HCN1: variants seen among roughly 807,000 people sequenced by gnomAD.
HCN1 encodes the protein hyperpolarization activated cyclic nucleotide gated potassium channel 1.
Under a neutral mutation model 78.9 loss-of-function variants are expected in HCN1, and 13 were observed. That is an observed-to-expected ratio of 0.16 (90% CI 0.11 to 0.26). HCN1 has a LOEUF of 0.26. HCN1 is among the 10% of genes least tolerant of loss of function. The probability of loss-of-function intolerance (pLI) is 1.00; values close to 1 mark genes in which losing one functional copy is unlikely to be tolerated. For missense variants in HCN1, 810 were observed against 1,154.3 expected (o/e 0.70, Z 4.32); for synonymous variants, 552 against 455.5 (o/e 1.21, Z -2.70).
Position 45,256,032 on chromosome 5 carries a change from A to T in HCN1, c.*5889T>A, listed in dbSNP as rs1012638947. On this transcript the variant is annotated 3_prime_UTR_variant, in exon 8 of 8. Transcript: ENST00000303230. ...CAGATTTCTTCAATTGAATGAATCA[A>T]TAGTATTCTCTGCTCATATGGTATT... The T allele has an allele frequency of 6.6e-6, 1 of 152,174 alleles. No homozygotes were observed. Among genetic ancestry groups the T allele is most frequent in the Admixed American group, 6.5e-5 (1 of 15,268 alleles). 9.4% of individuals were successfully genotyped at this position (152,174 alleles called of 1,614,324 possible).
chr5:45,503,224 A>C (rs562687530), intron 2 of HCN1, among the ~76,000 whole-genome samples: 69 of 152,284 alleles, frequency 4.5e-4, no homozygotes, highest in African/African-American at 1.6e-3. Context: ...TAAGTACACA[A>C]CACCACCTAT....
intron 2 of HCN1, among the ~76,000 whole-genome samples, chr5:45,491,089 C>T (rs1281030342): frequency 3.9e-5 from 6 of 152,108 alleles, no homozygotes; most frequent in Admixed American, 6.6e-5. Flanking sequence ...GCTTCTGCCT[C>T]CTCCATTTAT....
chr5:45,301,787 C>T (rs1745627332), intron 6 of HCN1, among the ~76,000 whole-genome samples: 1 of 147,482 alleles, frequency 6.8e-6, no homozygotes. Flanking sequence ...AACCCGCTTA[C>T]AGAACATAAA....
intron 4 of HCN1, among the ~76,000 whole-genome samples, chr5:45,378,768 C>A (rs571366279): frequency 6.6e-6 from 1 of 152,206 alleles, no homozygotes; most frequent in South Asian, 2.1e-4. Flanking sequence ...GCTATCCCTC[C>A]CCCAGCCCCT....
intron 1 of HCN1, among the ~76,000 whole-genome samples, chr5:45,661,162 G>A (rs959202900): frequency 6.9e-5 from 10 of 145,182 alleles, no homozygotes; most frequent in East Asian, 2.0e-4. Flanking sequence ...ACTCAAAGCC[G>A]CTCAACTACA....
chr5:45,381,501 T>C lies in HCN1; in HGVS notation c.1230+14991A>G, dbSNP rs111646968. Reference sequence around the variant, plus strand: ...TCTCATTCATGTAAAGTTAGTATTTTTGTCATAATGATTCTTTCCCATATG... The same window carrying C: ...TCTCATTCATGTAAAGTTAGTATTTCTGTCATAATGATTCTTTCCCATATG... On this transcript the variant is annotated intron_variant, in intron 4 of 7. Coordinates refer to ENST00000303230, the MANE Select transcript of HCN1 (RefSeq NM_021072.4). Among the ~76,000 whole-genome samples, 767 of 152,292 alleles carry C rather than the reference T, an allele frequency of 5.0e-3. 7 individuals are homozygous for C. The highest frequency in any genetic ancestry group is 8.5e-3 in the Non-Finnish European group (575 of 68,010).
chr5:45,334,102 G>C (rs988821601), intron 5 of HCN1, among the ~76,000 whole-genome samples: 8 of 151,666 alleles, frequency 5.3e-5, no homozygotes, highest in African/African-American at 9.7e-5. Flanking sequence ...TATAACTATA[G>C]AAATAAGGCA....
intron 2 of HCN1, among the ~76,000 whole-genome samples, chr5:45,582,158 G>A (rs1744093472): frequency 1.3e-5 from 2 of 152,142 alleles, no homozygotes; most frequent in African/African-American, 4.8e-5. Context: ...CATGAGCATG[G>A]AATGTTCTTC....
chr5:45,692,053 G>A (rs146126622), intron 1 of HCN1, among the ~76,000 whole-genome samples: 18 of 152,314 alleles, frequency 1.2e-4, no homozygotes, highest in African/African-American at 3.8e-4. Context: ...ATGGAAAGGA[G>A]CATTCTTTTT....
intron 1 of HCN1, among the ~76,000 whole-genome samples, chr5:45,678,089 T>C (rs1050837566): frequency 2.0e-5 from 3 of 150,900 alleles, no homozygotes; most frequent in Non-Finnish European, 4.5e-5. Flanking sequence ...CATCTGTTTC[T>C]TTCTAATTCT....
At chr5:45,487,741 T>G (rs1561172589) in intron 2 of HCN1, among the ~76,000 whole-genome samples, 1 of 152,058 alleles carries the variant, frequency 6.6e-6, no homozygotes, top group African/African-American at 2.4e-5. Flanking sequence ...AAGAACAGTA[T>G]TATGAAGTAG....
intron 3 of HCN1, among the ~76,000 whole-genome samples, chr5:45,430,307 C>G (rs1186110847): frequency 6.6e-6 from 1 of 151,952 alleles, no homozygotes; most frequent in African/African-American, 2.4e-5. Flanking sequence ...TTTTATGGTT[C>G]AGGGGTACAT....
intron 4 of HCN1, among the ~76,000 whole-genome samples, chr5:45,388,392 T>G (rs1010744780): frequency 5.3e-5 from 8 of 152,184 alleles, no homozygotes; most frequent in Admixed American, 2.6e-4. Context: ...CCTGTCCCGC[T>G]GTGTTCTCTT....
At chr5:45,387,507 A>T (rs2112031555) in intron 4 of HCN1, among the ~76,000 whole-genome samples, 1 of 152,242 alleles carries the variant, frequency 6.6e-6, no homozygotes, top group Non-Finnish European at 1.5e-5. Flanking sequence ...TAAAGAGGAT[A>T]CATTTAACTA....
At chr5:45,461,783 T>C (rs1453130914) in intron 3 of HCN1, 63 bp downstream of exon 3, 4 of 1,358,732 alleles carry the variant, frequency 2.9e-6, no homozygotes, top group African/African-American at 1.4e-5. Context: ...TGTAACATAA[T>C]TACTTAAAAG....
chr5:45,577,635 TA>T (rs1045891140), intron 2 of HCN1, among the ~76,000 whole-genome samples: 2 of 151,968 alleles, frequency 1.3e-5, no homozygotes, highest in Non-Finnish European at 2.9e-5. Flanking sequence ...AATATATCAT[TA>T]AAAAATCTAG....
At chr5:45,649,730 G>A (rs1017379968) in intron 1 of HCN1, among the ~76,000 whole-genome samples, 2 of 151,746 alleles carry the variant, frequency 1.3e-5, no homozygotes, top group Admixed American at 6.6e-5. Context: ...TATATTTTCT[G>A]CTATAAGATA....
chr5:45,452,319 G>GT (rs898985276), intron 3 of HCN1, among the ~76,000 whole-genome samples: 3,016 of 137,184 alleles, frequency 0.022, 66 homozygotes, highest in African/African-American at 0.061. Flanking sequence ...AGGGTATTTA[G>GT]TTTTTTTTTT....
intron 2 of HCN1, among the ~76,000 whole-genome samples, chr5:45,517,187 A>T (rs1742530200): frequency 6.6e-6 from 1 of 151,986 alleles, no homozygotes; most frequent in Admixed American, 6.6e-5. Context: ...GTTATTAAGA[A>T]CCTGCACCAT....
Sources: gnomAD v4.1 joint callset for allele counts (sites outside exome capture counted in the v4.1 genomes callset) on GRCh38, gnomAD v4.1.1 for gene constraint, MANE v1.5 for transcripts, NCBI Gene and HGNC (gene_info 2026-07-23, HGNC 2026-07-21) for gene names.